Variants in JAKMIP1 observed in about 807,000 individuals in gnomAD.
The protein encoded by JAKMIP1 is janus kinase and microtubule-interacting protein 1.
Under a neutral mutation model 113.0 loss-of-function variants are expected in JAKMIP1, and 33 were observed. The ratio of observed to expected loss-of-function variants is 0.29; its 90% CI spans 0.22 to 0.39. JAKMIP1 has a LOEUF of 0.39. Among genes scored for constraint, JAKMIP1 ranks in the 10% least tolerant of loss-of-function variants. The pLI, the probability that JAKMIP1 is intolerant of heterozygous loss-of-function variation, is 1.00. For missense variants in JAKMIP1, 813 were observed against 1,080.5 expected (o/e 0.75, Z 3.47); for synonymous variants, 480 against 459.9 (o/e 1.04, Z -0.56).
At chr4:6,038,082 AC>A (rs1270693843) in intron 18 of JAKMIP1, among the ~76,000 whole-genome samples, 31 of 139,590 alleles carry the variant, frequency 2.2e-4, no homozygotes, top group Non-Finnish European at 3.5e-4. Flanking sequence ...GCAGAGGTTA[AC>A]CCAGTAGCCC....
intron 2 of JAKMIP1, 108 bp downstream of exon 2, chr4:6,112,614 C>G (rs956037754): frequency 6.7e-6 from 9 of 1,348,298 alleles, no homozygotes; most frequent in Middle Eastern, 1.9e-4. Flanking sequence ...AAGTGCCCCC[C>G]CTCGGCCCCC....
At chr4:6,057,418 C>T (rs538775858) in intron 11 of JAKMIP1, among the ~76,000 whole-genome samples, 7 of 152,270 alleles carry the variant, frequency 4.6e-5, no homozygotes, top group African/African-American at 9.6e-5. Context: ...CAGGCTGGGC[C>T]GGGCTCACTG....
chr4:6,136,097 T>C lies in JAKMIP1; in HGVS notation c.-147-23100A>G, dbSNP rs1269794267. ...CCCATCTCTACTAAAGATACAAAAA[T>C]TGGCCGGGCATGGTGGTGGGTTCCT... On this transcript the variant is annotated intron_variant, in intron 1 of 20. Coordinates refer to ENST00000409021, the MANE Select transcript of JAKMIP1 (RefSeq NM_001099433.2). The surrounding 1 kb of genome is among the most constrained non-coding windows in gnomAD (Gnocchi z 5.9). 1.3e-4 allele frequency among the ~76,000 whole-genome samples: 19 copies of C among 151,992 alleles called. No homozygotes were observed. Among genetic ancestry groups the C allele is most frequent in the African/African-American group, 4.1e-4 (17 of 41,442 alleles).
chr4:6,100,266 C>A (rs2108863155), intron 3 of JAKMIP1, among the ~76,000 whole-genome samples: 1 of 152,316 alleles, frequency 6.6e-6, no homozygotes, highest in East Asian at 1.9e-4. Flanking sequence ...TCCCCGTCAG[C>A]CACTATAGAT....
In JAKMIP1 at chr4:6,178,965, T is replaced by C. The variant is rs1725716227; in HGVS notation, c.-148+21288A>G. Among the ~76,000 whole-genome samples, 3 of 152,244 alleles carry C rather than the reference T, an allele frequency of 2.0e-5. No individual in the cohort carries two copies. The highest frequency in any genetic ancestry group is 2.0e-4 in the Admixed American group (3 of 15,288). On this transcript the variant is annotated intron_variant, in intron 1 of 20. Coordinates refer to ENST00000409021, the MANE Select transcript of JAKMIP1 (RefSeq NM_001099433.2). The surrounding 1 kb of genome is among the most constrained non-coding windows in gnomAD (Gnocchi z 5.5). ...CTCGGTCATTCATTTATGAATTGTT[T>C]CTCTGGAATGTCTTCAGAATGGATT...
At chr4:6,054,587 C>T (rs1032782516) in intron 12 of JAKMIP1, among the ~76,000 whole-genome samples, 19 of 152,164 alleles carry the variant, frequency 1.2e-4, no homozygotes, top group Non-Finnish European at 2.5e-4. Context: ...CAGCCAGCTG[C>T]GGCAGGGAGG....
intron 3 of JAKMIP1, among the ~76,000 whole-genome samples, chr4:6,098,910 T>G (rs1315885694): frequency 3.9e-5 from 6 of 152,254 alleles, no homozygotes; most frequent in Non-Finnish European, 2.9e-5. Flanking sequence ...AAACTTCATG[T>G]GAGTAAAATC....
intron 18 of JAKMIP1, among the ~76,000 whole-genome samples, chr4:6,039,288 T>C (rs1411961153): frequency 6.6e-6 from 1 of 152,136 alleles, no homozygotes; most frequent in Non-Finnish European, 1.5e-5. Context: ...CTGCAAGATG[T>C]CCCTTGAAAA....
chr4:6,034,929 T>C (rs370834176), intron 19 of JAKMIP1, among the ~76,000 whole-genome samples: 1 of 152,200 alleles, frequency 6.6e-6, no homozygotes. Flanking sequence ...GTTCATTCAA[T>C]CACCTGAAGG....
At chr4:6,083,607 C>CAAA (rs201032315) in intron 5 of JAKMIP1, among the ~76,000 whole-genome samples, 1 of 116,010 alleles carries the variant, frequency 8.6e-6, no homozygotes, top group Non-Finnish European at 1.9e-5. Context: ...TGATTAAAGC[C>CAAA]AAAAAAAAAA....
chr4:6,090,179 G>A (rs1169977009), intron 3 of JAKMIP1, among the ~76,000 whole-genome samples: 1 of 151,718 alleles, frequency 6.6e-6, no homozygotes, highest in Non-Finnish European at 1.5e-5. Flanking sequence ...CCGAGGTCAC[G>A]CCACTGCACT....
intron 3 of JAKMIP1, among the ~76,000 whole-genome samples, chr4:6,090,216 C>T (rs1020943466): frequency 2.7e-5 from 4 of 146,176 alleles, no homozygotes; most frequent in Non-Finnish European, 4.4e-5. Flanking sequence ...AGTGAGAGTC[C>T]ATTTCAAAAA....
At chr4:6,104,190 G>C (rs759002535) in intron 3 of JAKMIP1, among the ~76,000 whole-genome samples, 4 of 152,214 alleles carry the variant, frequency 2.6e-5, no homozygotes, top group Admixed American at 6.5e-5. Flanking sequence ...TTGTGGAATA[G>C]AGTGCTCTGT....
chr4:6,159,341 C>T (rs1722625285), intron 1 of JAKMIP1, among the ~76,000 whole-genome samples: 1 of 151,602 alleles, frequency 6.6e-6, no homozygotes, highest in Non-Finnish European at 1.5e-5. Context: ...GTGTAAGCAT[C>T]TACAAAAGGC....
rs1249663859 is a variant in JAKMIP1 at position 6,094,526 on chromosome 4, C to G, written c.625-8897G>C. 2.0e-5 allele frequency among the ~76,000 whole-genome samples: 3 copies of G among 152,196 alleles called. No homozygotes were observed. The highest frequency in any genetic ancestry group is 7.2e-5 in the African/African-American group (3 of 41,458). ...CCTGGGGTCTCAGGAACTGCGGGCA[C>G]CCAGCCTAGGCTGGTCCATCGGCCC... On this transcript the variant is annotated intron_variant, in intron 3 of 20. Coordinates refer to ENST00000409021, the MANE Select transcript of JAKMIP1 (RefSeq NM_001099433.2). This position sits in a 1 kb window ranked among gnomAD's most constrained non-coding sequence, Gnocchi z 4.2.
At chr4:6,039,843 G>A (rs1463019105) in intron 18 of JAKMIP1, among the ~76,000 whole-genome samples, 3 of 152,148 alleles carry the variant, frequency 2.0e-5, no homozygotes, top group African/African-American at 7.2e-5. Context: ...AGCCTGTCAT[G>A]GGAAGTAGAG....
At position 6,106,332 on chromosome 4, in the gene JAKMIP1, T is replaced by C. The variant is rs1288500152; in HGVS notation, c.130-365A>G. 2.0e-5 allele frequency among the ~76,000 whole-genome samples: 3 copies of C among 152,064 alleles called. No homozygotes were observed. Among genetic ancestry groups the C allele is most frequent in the Non-Finnish European group, 4.4e-5 (3 of 68,000 alleles). On this transcript the variant is annotated intron_variant, in intron 2 of 20. Coordinates refer to ENST00000409021, the MANE Select transcript of JAKMIP1 (RefSeq NM_001099433.2). The surrounding 1 kb of genome is among the most constrained non-coding windows in gnomAD (Gnocchi z 5.9). Reference sequence around the variant, plus strand: ...CCCAAAAGATTGTAAACCAGAAATATATTTCCAGGGCCCCATGCGCGGACT... The same window carrying C: ...CCCAAAAGATTGTAAACCAGAAATACATTTCCAGGGCCCCATGCGCGGACT...
At chr4:6,052,650 TAAAAAAAAAAAAA>T (rs762425260) in intron 13 of JAKMIP1, among the ~76,000 whole-genome samples, 1 of 53,988 alleles carries the variant, frequency 1.9e-5, no homozygotes, top group African/African-American at 7.4e-5. Context: ...GACTCTGTCC[TAAAAAAAAAAAAA>T]AAAAAAAAAA....
rs1424312547 is a variant in JAKMIP1 at position 6,199,763 on chromosome 4, T to C, written c.-148+490A>G. Among the ~76,000 whole-genome samples the C allele has an allele frequency of 6.6e-6, 1 of 151,342 alleles. No individual in the cohort carries two copies. The highest frequency in any genetic ancestry group is 1.5e-5 in the Non-Finnish European group (1 of 67,756). The stretch of plus-strand genomic sequence containing the variant: ...CCGGGGCGCGGCCCCCAGCTCCATC[T>C]TCTTTGCCACCTGGGCGGAGATCTG... On this transcript the variant is annotated intron_variant, in intron 1 of 20. Transcript: ENST00000409021. The surrounding 1 kb of genome is among the most constrained non-coding windows in gnomAD (Gnocchi z 5.6).
Sources: allele counts gnomAD v4.1 joint callset (sites outside exome capture counted in the v4.1 genomes callset), GRCh38; gene constraint gnomAD v4.1.1; non-coding constraint Gnocchi (gnomAD v3.1); transcripts MANE v1.5; gene names NCBI Gene and HGNC (gene_info 2026-07-23, HGNC 2026-07-21).